Variants in CNTNAP5 observed in about 807,000 individuals in gnomAD.
CNTNAP5 encodes the protein contactin associated protein family member 5, also known as contactin-associated protein-like 5.
In CNTNAP5, 72 loss-of-function variants were observed where a neutral mutation model predicts 150.2. That is an observed-to-expected ratio of 0.48 (90% CI 0.40 to 0.58). The LOEUF (loss-of-function observed/expected upper bound fraction) is 0.58. CNTNAP5 is among the 20% of genes least tolerant of loss of function. CNTNAP5 has a pLI of 0.00. For missense variants in CNTNAP5, 1,636 were observed against 1,626.2 expected, an observed-to-expected ratio of 1.01 and a Z score of -0.10; for synonymous variants, 672 against 619.8, an observed-to-expected ratio of 1.08 and a Z score of -1.25.
chr2:124,365,244 A>C (rs1690341219), intron 3 of CNTNAP5, among the ~76,000 whole-genome samples: 1 of 151,734 alleles, frequency 6.6e-6, no homozygotes, highest in Non-Finnish European at 1.5e-5. Context: ...TGAGCCTAGC[A>C]GGTTAAGGCT....
intron 19 of CNTNAP5, among the ~76,000 whole-genome samples, chr2:124,806,915 CTTT>C (rs34184441): frequency 1.4e-5 from 2 of 144,136 alleles, no homozygotes; most frequent in Non-Finnish European, 3.0e-5. Flanking sequence ...CTTTATTTTA[CTTT>C]TTTTTTTTTT....
intron 4 of CNTNAP5, among the ~76,000 whole-genome samples, chr2:124,425,295 A>G (rs998021273): frequency 5.3e-5 from 8 of 152,198 alleles, no homozygotes; most frequent in African/African-American, 1.9e-4. Flanking sequence ...CGTAAGGGAG[A>G]AAAATAATAA....
At chr2:124,446,339 T>C (rs1573999917) in intron 5 of CNTNAP5, among the ~76,000 whole-genome samples, 1 of 152,306 alleles carries the variant, frequency 6.6e-6, no homozygotes, top group African/African-American at 2.4e-5. Flanking sequence ...ACTAGCTGTC[T>C]TCCCTTTACG....
intron 3 of CNTNAP5, among the ~76,000 whole-genome samples, chr2:124,394,397 A>G (rs1310330988): frequency 6.6e-6 from 1 of 151,886 alleles, no homozygotes; most frequent in Non-Finnish European, 1.5e-5. Flanking sequence ...AAGAAAAGAA[A>G]AAAGGTAATA....
chr2:124,145,843 A>AAAAAAAAAAAGAAG (rs1684238094), intron 1 of CNTNAP5, among the ~76,000 whole-genome samples: 1 of 143,716 alleles, frequency 7.0e-6, no homozygotes, highest in African/African-American at 2.6e-5. Flanking sequence ...AAAAAAAAAA[A>AAAAAAAAAAAGAAG]AAATAAAATA....
intron 4 of CNTNAP5, among the ~76,000 whole-genome samples, chr2:124,430,905 A>G (rs1692361919): frequency 6.6e-6 from 1 of 152,190 alleles, no homozygotes. Flanking sequence ...AAATAAGGAA[A>G]TGTGGGGATA....
chr2:124,609,993 A>C, intron 12 of CNTNAP5, 73 bp downstream of exon 12: 1 of 1,507,222 alleles, frequency 6.6e-7, no homozygotes, highest in South Asian at 1.3e-5. Flanking sequence ...AATTCACTGG[A>C]GGGGGATACC....
intron 7 of CNTNAP5, among the ~76,000 whole-genome samples, chr2:124,479,179 T>C (rs1335832726): frequency 1.3e-5 from 2 of 152,186 alleles, no homozygotes; most frequent in East Asian, 3.8e-4. Flanking sequence ...TAATAAACAA[T>C]CAGAAAGCAA....
chr2:124,289,578 T>C (rs1485895183), intron 3 of CNTNAP5, among the ~76,000 whole-genome samples: 1 of 152,234 alleles, frequency 6.6e-6, no homozygotes, highest in Admixed American at 6.5e-5. Flanking sequence ...ATGAAATCTA[T>C]ACATTTATAA....
intron 8 of CNTNAP5, among the ~76,000 whole-genome samples, chr2:124,513,399 C>A (rs560560602): frequency 6.6e-6 from 1 of 152,152 alleles, no homozygotes; most frequent in Non-Finnish European, 1.5e-5. Context: ...CTTTAACATA[C>A]GCATTTTGCA....
At chr2:124,789,249 A>G (rs550015670) in intron 17 of CNTNAP5, among the ~76,000 whole-genome samples, 1 of 152,292 alleles carries the variant, frequency 6.6e-6, no homozygotes, top group Admixed American at 6.5e-5. Flanking sequence ...GGACTGTGTG[A>G]GAACTTTTTT....
At chr2:124,042,881 G>A (rs1681420406) in intron 1 of CNTNAP5, among the ~76,000 whole-genome samples, 1 of 151,960 alleles carries the variant, frequency 6.6e-6, no homozygotes, top group Non-Finnish European at 1.5e-5. Flanking sequence ...AGTTGCCTAT[G>A]CTTTGGAGGT....
At chr2:124,267,376 A>G (rs542483322) in intron 3 of CNTNAP5, among the ~76,000 whole-genome samples, 2 of 152,274 alleles carry the variant, frequency 1.3e-5, no homozygotes, top group South Asian at 4.1e-4. Context: ...TTCCAAATGT[A>G]ACTCTTCTTA....
intron 3 of CNTNAP5, among the ~76,000 whole-genome samples, chr2:124,291,779 T>C (rs1573895064): frequency 6.6e-6 from 1 of 152,130 alleles, no homozygotes; most frequent in East Asian, 1.9e-4. Flanking sequence ...CAAAATTAAT[T>C]GGGTAACATA....
At chr2:124,438,441 C>T (rs896807773) in intron 5 of CNTNAP5, among the ~76,000 whole-genome samples, 1 of 152,128 alleles carries the variant, frequency 6.6e-6, no homozygotes, top group Non-Finnish European at 1.5e-5. Flanking sequence ...ACATGCAGGT[C>T]AATCATCCTT....
intron 3 of CNTNAP5, among the ~76,000 whole-genome samples, chr2:124,345,663 G>A (rs781719665): frequency 7.9e-5 from 12 of 152,086 alleles, no homozygotes; most frequent in African/African-American, 2.9e-4. Flanking sequence ...TTTAATCTTG[G>A]CTGCCAAATT....
At chr2:124,159,158 C>T (rs775008388) in intron 1 of CNTNAP5, among the ~76,000 whole-genome samples, 1 of 152,180 alleles carries the variant, frequency 6.6e-6, no homozygotes, top group African/African-American at 2.4e-5. Context: ...ATATAAAACT[C>T]ACTTAATGTA....
At chr2:124,789,832 C>A in intron 17 of CNTNAP5, 70 bp from the exon 18 acceptor site, 1 of 1,431,230 alleles carries the variant, frequency 7.0e-7, no homozygotes. Context: ...CTTACCCATG[C>A]CAACATTAAA....
intron 13 of CNTNAP5, among the ~76,000 whole-genome samples, chr2:124,723,598 G>A (rs1055911407): frequency 6.6e-6 from 1 of 152,154 alleles, no homozygotes; most frequent in African/African-American, 2.4e-5. Context: ...CATAGACTGA[G>A]TGACTTGATC....
Sources: allele counts gnomAD v4.1 joint callset (sites outside exome capture counted in the v4.1 genomes callset), GRCh38; gene constraint gnomAD v4.1.1; transcripts MANE v1.5; gene names NCBI Gene and HGNC (gene_info 2026-07-23, HGNC 2026-07-21).